Variants in UBXN8 observed in about 807,000 individuals in gnomAD.
UBXN8 encodes UBX domain protein 8.
In UBXN8, 27 loss-of-function variants were observed where a neutral mutation model predicts 32.1. That is an observed-to-expected ratio of 0.84 (90% confidence interval 0.62 to 1.16). The LOEUF is 1.16. Ranked by LOEUF, UBXN8 falls within the 50% of genes most tolerant of loss-of-function variation. The probability of loss-of-function intolerance (pLI) is 0.00; values close to 1 mark genes in which losing one functional copy is unlikely to be tolerated. For missense variants in UBXN8, 306 were observed against 311.4 expected (o/e 0.98, Z 0.13); for synonymous variants, 109 against 111.8 (o/e 0.98, Z 0.16).
Position 30,744,438 on chromosome 8 carries a change from T to G in UBXN8, c.88+161T>G, listed in dbSNP as rs1240425031. ...CCCCCACTTCCGGAGCTGACTTCAC[T>G]TCGAGGAACCTTTTCCCTCCAGGTG... On this transcript the variant is annotated intron_variant, in intron 1 of 7. Coordinates refer to ENST00000265616, the MANE Select transcript of UBXN8 (RefSeq NM_005671.4). 3.8e-5 allele frequency: 26 copies of G among 686,820 alleles called. 1 individual carries two copies. The South Asian group carries it at 4.4e-4, about 12-fold the overall frequency. The allele number at this position is 686,820 out of a possible 1,614,324, so 42.5% of individuals were successfully genotyped here. A position where few individuals can be genotyped will look rare whatever the true frequency, so the allele number is the denominator to read the frequency against.
intron 4 of UBXN8, 22 bp downstream of exon 4, chr8:30,754,809 A>G (rs1223640013): frequency 6.4e-7 from 1 of 1,556,386 alleles, no homozygotes; most frequent in Non-Finnish European, 8.6e-7. Context: ...TTCTCATTTT[A>G]TATTTTGAAT....
chr8:30,754,522 A>C, intron 3 of UBXN8, 143 bp from the exon 4 acceptor site: 2 of 1,178,798 alleles, frequency 1.7e-6, no homozygotes, highest in Non-Finnish European at 2.4e-6. Flanking sequence ...GCCTCCCCAC[A>C]ACCAAGCAGC....
chr8:30,763,883 C>T (rs181552189), intron 7 of UBXN8, among the ~76,000 whole-genome samples: 10 of 152,088 alleles, frequency 6.6e-5, no homozygotes, highest in East Asian at 1.9e-4. Flanking sequence ...CCCACCTACT[C>T]GGGAGGCTGA....
At chr8:30,764,578 T>A (rs1312553757) in intron 7 of UBXN8, among the ~76,000 whole-genome samples, 2 of 152,206 alleles carry the variant, frequency 1.3e-5, no homozygotes, top group African/African-American at 4.8e-5. Context: ...ATATCATGAT[T>A]TCCCGAAGAA....
chr8:30,760,043 G>A (rs1198466852), intron 5 of UBXN8, among the ~76,000 whole-genome samples: 1 of 146,376 alleles, frequency 6.8e-6, no homozygotes, highest in African/African-American at 2.5e-5. Context: ...ATAATTTTGG[G>A]GTCTTACTGA....
intron 5 of UBXN8, among the ~76,000 whole-genome samples, chr8:30,757,582 TG>T (rs1805696876): frequency 6.8e-6 from 1 of 146,680 alleles, no homozygotes; most frequent in Admixed American, 6.8e-5. Context: ...CAAAAAGGGC[TG>T]GGCATGGTGG....
At chr8:30,761,161 G>A (rs948185919) in intron 6 of UBXN8, among the ~76,000 whole-genome samples, 1 of 151,686 alleles carries the variant, frequency 6.6e-6, no homozygotes, top group Admixed American at 6.6e-5. Flanking sequence ...CAGCCTCCTG[G>A]GTAGCTGGGT....
chr8:30,730,364 A>G (rs927031815), upstream of UBXN8, among the ~76,000 whole-genome samples: 2 of 152,176 alleles, frequency 1.3e-5, no homozygotes, highest in African/African-American at 4.8e-5. Context: ...CACAAGCTCT[A>G]ATTGATTTGC....
chr8:30,739,547 A>C (rs942759763), upstream of UBXN8, among the ~76,000 whole-genome samples: 2 of 152,208 alleles, frequency 1.3e-5, no homozygotes, highest in African/African-American at 4.8e-5. Context: ...CTGTCTCAAA[A>C]AATAAAAATA....
At chr8:30,751,225 T>C (rs891531367) in intron 1 of UBXN8, among the ~76,000 whole-genome samples, 171 bp from the exon 2 acceptor site, 2 of 152,066 alleles carry the variant, frequency 1.3e-5, no homozygotes, top group African/African-American at 2.4e-5. Flanking sequence ...TCAAGAAAAA[T>C]GTTTTGGGTT....
chr8:30,735,755 A>G (rs1461796068), intron 1 of UBXN8, among the ~76,000 whole-genome samples: 1 of 152,090 alleles, frequency 6.6e-6, no homozygotes, highest in Non-Finnish European at 1.5e-5. Flanking sequence ...AGGAGAATCA[A>G]TTGATCCTGG....
intron 1 of UBXN8, among the ~76,000 whole-genome samples, chr8:30,746,039 C>T (rs1447064858): frequency 6.6e-6 from 1 of 152,200 alleles, no homozygotes; most frequent in African/African-American, 2.4e-5. Context: ...GTGTGAGCCA[C>T]CGTGCCCAGC....
intron 5 of UBXN8, among the ~76,000 whole-genome samples, chr8:30,758,901 T>TTTTTTTTTTTTG (rs1563564673): frequency 3.8e-5 from 5 of 130,136 alleles, no homozygotes; most frequent in African/African-American, 1.5e-4. Context: ...TTTGTTTTTT[T>TTTTTTTTTTTTG]TTTTTTTTTT....
chr8:30,736,856 C>T (rs905815852), intron 1 of UBXN8, among the ~76,000 whole-genome samples: 1 of 152,168 alleles, frequency 6.6e-6, no homozygotes, highest in African/African-American at 2.4e-5. Flanking sequence ...CACATCCACA[C>T]CTCTTAGCTT....
At chr8:30,763,240 A>G in intron 6 of UBXN8, 33 bp from the exon 7 acceptor site, 1 of 1,603,722 alleles carries the variant, frequency 6.2e-7, no homozygotes, top group Non-Finnish European at 8.5e-7. Flanking sequence ...AGAGCAATGG[A>G]TCGGAGTTCT....
chr8:30,762,530 C>A (rs1386042737), intron 6 of UBXN8, among the ~76,000 whole-genome samples: 1 of 152,054 alleles, frequency 6.6e-6, no homozygotes, highest in South Asian at 2.1e-4. Context: ...GTAGCTAAGA[C>A]CACAGGTGTA....
intron 4 of UBXN8, 116 bp downstream of exon 4, chr8:30,754,903 A>G: frequency 1.6e-6 from 2 of 1,255,086 alleles, no homozygotes; most frequent in Non-Finnish European, 1.1e-6. Context: ...ATTGATAATG[A>G]TTATCAGTTT....
At chr8:30,740,917 GCTTC>G (rs1369846244), upstream of UBXN8, among the ~76,000 whole-genome samples, 1 of 152,182 alleles carries the variant, frequency 6.6e-6, no homozygotes, top group Non-Finnish European at 1.5e-5. Flanking sequence ...AGGCTGCAAA[GCTTC>G]CTTCTCAGGC....
At chr8:30,755,138 G>A (rs1030777585) in intron 4 of UBXN8, among the ~76,000 whole-genome samples, 10 of 151,870 alleles carry the variant, frequency 6.6e-5, no homozygotes, top group African/African-American at 2.2e-4. Flanking sequence ...TGTATTTTTA[G>A]TAGAGATGGG....
Sources: gnomAD v4.1 joint callset for allele counts (sites outside exome capture counted in the v4.1 genomes callset) on GRCh38, gnomAD v4.1.1 for gene constraint, MANE v1.5 for transcripts, NCBI Gene and HGNC (gene_info 2026-07-23, HGNC 2026-07-21) for gene names.